HEMK2: variants seen among roughly 807,000 people sequenced by gnomAD.
The protein encoded by HEMK2 is HemK methyltransferase 2, ETF1 glutamine and histone H4 lysine.
chr21:28,637,251 G>A, the HEMK2 span, among the ~76,000 whole-genome samples: 3 of 152,140 alleles, frequency 2.0e-5, no homozygotes, highest in Admixed American at 6.6e-5. Flanking sequence ...TGATATTAGG[G>A]TGGTGATTCT....
chr21:28,815,048 T>C, the HEMK2 span, among the ~76,000 whole-genome samples: 3 of 151,768 alleles, frequency 2.0e-5, no homozygotes, highest in Admixed American at 6.6e-5. Flanking sequence ...TACTATGCAG[T>C]CATAAAAAAT....
chr21:28,592,483 G>C, the HEMK2 span, among the ~76,000 whole-genome samples: 11 of 152,140 alleles, frequency 7.2e-5, no homozygotes, highest in Non-Finnish European at 4.4e-5. Context: ...CTTATTGAAG[G>C]ACTAAAACAG....
chr21:28,648,873 G>A, the HEMK2 span, among the ~76,000 whole-genome samples: 1 of 151,992 alleles, frequency 6.6e-6, no homozygotes, highest in East Asian at 1.9e-4. Context: ...CCATGTTGGT[G>A]TGCTGCACCC....
chr21:28,863,411 TATATATATATATATATATATA>T, the HEMK2 span, among the ~76,000 whole-genome samples: 822 of 18,658 alleles, frequency 0.044, 37 homozygotes, highest in Middle Eastern at 0.11. Flanking sequence ...AACTCCCTTT[TATATATATATATATATATATA>T]TATATATATA....
At chr21:28,758,485 T>G in the HEMK2 span, among the ~76,000 whole-genome samples, 3 of 151,114 alleles carry the variant, frequency 2.0e-5, 1 homozygote, top group African/African-American at 7.3e-5. Flanking sequence ...ACCAGAGGAG[T>G]TGGCAGCAGA....
At chr21:28,603,226 A>G in the HEMK2 span, among the ~76,000 whole-genome samples, 2 of 152,192 alleles carry the variant, frequency 1.3e-5, no homozygotes, top group Non-Finnish European at 2.9e-5. Context: ...TTCTCTTGGG[A>G]AAATTTCCCT....
At chr21:28,832,912 CT>C in the HEMK2 span, among the ~76,000 whole-genome samples, 1,186 of 152,300 alleles carry the variant, frequency 7.8e-3, 11 homozygotes, top group African/African-American at 0.027. Context: ...GAGCTAAAGA[CT>C]TTGTCTTATT....
At chr21:28,702,402 G>C in the HEMK2 span, among the ~76,000 whole-genome samples, 1 of 152,036 alleles carries the variant, frequency 6.6e-6, no homozygotes, top group Non-Finnish European at 1.5e-5. Context: ...ACAACCTACA[G>C]AATGGGAGAA....
At chr21:28,805,082 G>A in the HEMK2 span, among the ~76,000 whole-genome samples, 1 of 152,116 alleles carries the variant, frequency 6.6e-6, no homozygotes, top group East Asian at 1.9e-4. Context: ...TATTTTCCTT[G>A]TTTCTGTCTT....
At chr21:28,852,081 T>C in the HEMK2 span, among the ~76,000 whole-genome samples, 1 of 151,446 alleles carries the variant, frequency 6.6e-6, no homozygotes, top group Non-Finnish European at 1.5e-5. Context: ...AACGGGAGAG[T>C]TGAAAGGGGA....
the HEMK2 span, among the ~76,000 whole-genome samples, chr21:28,843,176 C>G: frequency 2.6e-5 from 4 of 152,070 alleles, no homozygotes; most frequent in Non-Finnish European, 5.9e-5. Context: ...ACAAATTATG[C>G]ACAGCCCTGT....
chr21:28,863,410 T>TTTTATA, the HEMK2 span, among the ~76,000 whole-genome samples: 29 of 38,988 alleles, frequency 7.4e-4, 5 homozygotes, highest in East Asian at 1.0e-2. Flanking sequence ...AAACTCCCTT[T>TTTTATA]TATATATATA....
chr21:28,674,842 C>A, the HEMK2 span: 1 of 152,198 alleles, frequency 6.6e-6, no homozygotes, highest in Non-Finnish European at 1.5e-5. Context: ...TGTGTCCTCA[C>A]ATGGCCAAAA....
the HEMK2 span, among the ~76,000 whole-genome samples, chr21:28,616,465 A>T: frequency 6.6e-6 from 1 of 152,152 alleles, no homozygotes; most frequent in South Asian, 2.1e-4. Context: ...AAAGTTATGA[A>T]TTTTTATGTA....
At chr21:28,663,862 G>A in the HEMK2 span, among the ~76,000 whole-genome samples, 3 of 152,160 alleles carry the variant, frequency 2.0e-5, no homozygotes. Flanking sequence ...TACTTCAAGA[G>A]AGCGGGCATC....
At chr21:28,757,852 G>C in the HEMK2 span, among the ~76,000 whole-genome samples, 1 of 152,034 alleles carries the variant, frequency 6.6e-6, no homozygotes, top group Non-Finnish European at 1.5e-5. Context: ...GCTTTTCCTG[G>C]GTATAAGAGA....
chr21:28,797,570 G>A, the HEMK2 span, among the ~76,000 whole-genome samples: 1 of 151,936 alleles, frequency 6.6e-6, no homozygotes, highest in African/African-American at 2.4e-5. Flanking sequence ...AGTGGACATC[G>A]TGCCACTGTA....
chr21:28,604,755 ACTC>A, the HEMK2 span, among the ~76,000 whole-genome samples: 1 of 151,898 alleles, frequency 6.6e-6, no homozygotes. Flanking sequence ...TCCACATACC[ACTC>A]TTGCCTCTCC....
At chr21:28,885,120 G>A in the HEMK2 span, 1 of 1,435,102 alleles carries the variant, frequency 7.0e-7, no homozygotes, top group East Asian at 2.6e-5. Flanking sequence ...CTCCGGCTCA[G>A]GGCGGTGATA....
Sources: gnomAD v4.1 joint callset for allele counts (sites outside exome capture counted in the v4.1 genomes callset) on GRCh38, gnomAD v4.1.1 for gene constraint, MANE v1.5 for transcripts, NCBI Gene and HGNC (gene_info 2026-07-23, HGNC 2026-07-21) for gene names.